Variants in SGSM1 observed in about 807,000 individuals in gnomAD.
SGSM1 encodes small G protein signaling modulator 1, also known as RUN and TBC1 domain containing 2.
In SGSM1, 73 loss-of-function variants were observed where a neutral mutation model predicts 133.8. That is an observed-to-expected ratio of 0.55 (90% CI 0.45 to 0.66). SGSM1 has a LOEUF of 0.66. Among genes scored for constraint, SGSM1 ranks in the 30% least tolerant of loss-of-function variants. The pLI, the probability that SGSM1 is intolerant of heterozygous loss-of-function variation, is 0.00. For synonymous variants in SGSM1, 563 were observed against 573.0 expected, an observed-to-expected ratio of 0.98 and a Z score of 0.25; for missense variants, 1,213 against 1,448.1, an observed-to-expected ratio of 0.84 and a Z score of 2.64.
intron 18 of SGSM1, among the ~76,000 whole-genome samples, chr22:24,895,978 G>C (rs1282971667): frequency 6.6e-6 from 1 of 152,182 alleles, no homozygotes; most frequent in Non-Finnish European, 1.5e-5. Context: ...GGGCCCAGGA[G>C]GTTGAGGCTG....
chr22:24,811,113 A>G (rs1052309717), intron 2 of SGSM1, among the ~76,000 whole-genome samples: 1 of 152,180 alleles, frequency 6.6e-6, no homozygotes, highest in Non-Finnish European at 1.5e-5. Flanking sequence ...GACATTTGGC[A>G]ATGTCTGGAA....
At chr22:24,915,718 T>C (rs188736960) in intron 22 of SGSM1, among the ~76,000 whole-genome samples, 1 of 152,340 alleles carries the variant, frequency 6.6e-6, no homozygotes, top group Non-Finnish European at 1.5e-5. Flanking sequence ...TATACACTTT[T>C]AGTTATTTTA....
intron 8 of SGSM1, among the ~76,000 whole-genome samples, chr22:24,859,256 G>A (rs1930984415): frequency 6.6e-6 from 1 of 152,032 alleles, no homozygotes; most frequent in Non-Finnish European, 1.5e-5. Flanking sequence ...TGGGCGGGGA[G>A]TGTAGGGGGG....
intron 16 of SGSM1, among the ~76,000 whole-genome samples, chr22:24,888,419 A>C (rs1932731214): frequency 6.6e-6 from 1 of 152,074 alleles, no homozygotes; most frequent in Non-Finnish European, 1.5e-5. Flanking sequence ...CAATTGCTCC[A>C]GCATCATTTG....
chr22:24,852,276 T>A (rs2147848104), intron 5 of SGSM1, among the ~76,000 whole-genome samples: 1 of 152,246 alleles, frequency 6.6e-6, no homozygotes, highest in South Asian at 2.1e-4. Flanking sequence ...ATTTACTGAA[T>A]TTTTTTATAC....
At chr22:24,898,817 G>C (rs1321588987) in intron 19 of SGSM1, among the ~76,000 whole-genome samples, 4 of 152,062 alleles carry the variant, frequency 2.6e-5, no homozygotes, top group Admixed American at 6.6e-5. Context: ...CACGAAGTCA[G>C]AAGATCGAGA....
intron 3 of SGSM1, among the ~76,000 whole-genome samples, chr22:24,845,948 T>TCTTC (rs1930091605): frequency 1.9e-5 from 1 of 52,622 alleles, no homozygotes; most frequent in Non-Finnish European, 4.2e-5. Context: ...TTCTTTTCTT[T>TCTTC]CTTTCTTTCT....
At chr22:24,891,921 G>A (rs1327263882) in intron 16 of SGSM1, among the ~76,000 whole-genome samples, 2 of 152,092 alleles carry the variant, frequency 1.3e-5, no homozygotes, top group Admixed American at 6.6e-5. Context: ...GTGTGTGTCC[G>A]AATGGGTTTA....
At chr22:24,850,216 C>T in intron 4 of SGSM1, 64 bp from the exon 5 acceptor site, 1 of 1,453,426 alleles carries the variant, frequency 6.9e-7, no homozygotes, top group East Asian at 2.5e-5. Context: ...CTCCCATTTG[C>T]CAATTAGTCC....
rs372075666 is a variant in SGSM1, at chr22:24,896,697, C to T, written c.2023-1275C>T. 5.8e-4 allele frequency among the ~76,000 whole-genome samples: 88 copies of T among 151,106 alleles called. 2 individuals carry two copies. In the South Asian group the frequency reaches 0.018, roughly 30 times the overall value. On this transcript the variant is annotated intron_variant, in intron 18 of 24. Transcript: ENST00000400358. ...TGAGAAAAATTATGTATACATGAGGCTGGGCACGGTGGCTCATGCCTGTAA... is the reference window on the plus strand; with the variant it reads ...TGAGAAAAATTATGTATACATGAGGTTGGGCACGGTGGCTCATGCCTGTAA...
chr22:24,923,987 G>A (rs1260704187), intron 24 of SGSM1, among the ~76,000 whole-genome samples, 199 bp from the exon 25 acceptor site: 1 of 152,080 alleles, frequency 6.6e-6, no homozygotes, highest in Non-Finnish European at 1.5e-5. Context: ...ACAGTAACTT[G>A]GTGAGGTGGC....
chr22:24,876,554 G>A (rs367723925), intron 12 of SGSM1, 23 bp from the exon 13 acceptor site: 168 of 1,613,502 alleles, frequency 1.0e-4, no homozygotes, highest in Non-Finnish European at 1.3e-4. Flanking sequence ...TGATTCTTCT[G>A]CCCCTCCTTC....
At chr22:24,856,392 T>C (rs1021368937) in intron 8 of SGSM1, among the ~76,000 whole-genome samples, 1 of 152,186 alleles carries the variant, frequency 6.6e-6, no homozygotes, top group East Asian at 1.9e-4. Flanking sequence ...AAGACAGTTA[T>C]GATTTGAATT....
At chr22:24,806,543 A>G in intron 2 of SGSM1, 59 bp downstream of exon 2, 2 of 1,476,908 alleles carry the variant, frequency 1.4e-6, no homozygotes, top group East Asian at 3.0e-5. Context: ...GCCAAACGGG[A>G]AAAGAGTCTT....
intron 5 of SGSM1, among the ~76,000 whole-genome samples, chr22:24,851,628 A>T (rs562210589): frequency 6.6e-6 from 1 of 152,320 alleles, no homozygotes; most frequent in East Asian, 1.9e-4. Context: ...CCCCCTTCTC[A>T]TGAAGTTCAC....
At chr22:24,880,292 A>G (rs1036233131) in intron 14 of SGSM1, among the ~76,000 whole-genome samples, 3 of 151,616 alleles carry the variant, frequency 2.0e-5, no homozygotes, top group Non-Finnish European at 2.9e-5. Flanking sequence ...CCGCCACCAC[A>G]CCCAGCTAAT....
chr22:24,810,099 A>T (rs560602861), intron 2 of SGSM1, among the ~76,000 whole-genome samples: 1 of 152,292 alleles, frequency 6.6e-6, no homozygotes, highest in East Asian at 1.9e-4. Flanking sequence ...AAGGCGGAAC[A>T]TGTGGTCTTA....
At chr22:24,905,897 C>T (rs1352422134) in intron 21 of SGSM1, among the ~76,000 whole-genome samples, 1 of 151,978 alleles carries the variant, frequency 6.6e-6, no homozygotes, top group Non-Finnish European at 1.5e-5. Context: ...TTCAATAAAG[C>T]CAGACCTCAT....
chr22:24,847,589 A>G, intron 3 of SGSM1, 45 bp from the exon 4 acceptor site: 1 of 1,596,242 alleles, frequency 6.3e-7, no homozygotes, highest in Non-Finnish European at 8.6e-7. Context: ...TGGGTGCTGG[A>G]GTGCATGGGC....
Sources: gnomAD v4.1 joint callset for allele counts (sites outside exome capture counted in the v4.1 genomes callset) on GRCh38, gnomAD v4.1.1 for gene constraint, MANE v1.5 for transcripts, NCBI Gene and HGNC (gene_info 2026-07-23, HGNC 2026-07-21) for gene names.